PAM: variants seen among roughly 807,000 people sequenced by gnomAD.
PAM encodes peptidylglycine alpha-amidating monooxygenase, also known as peptidyl-glycine alpha-amidating monooxygenase.
Under a neutral mutation model 122.1 loss-of-function variants are expected in PAM, and 72 were observed. The ratio of observed to expected loss-of-function variants is 0.59; its 90% CI spans 0.49 to 0.72. The LOEUF (loss-of-function observed/expected upper bound fraction) is 0.72, where lower values mean the gene tolerates loss of function less well. Among genes scored for constraint, PAM ranks in the 30% least tolerant of loss-of-function variants. The pLI, the probability that PAM is intolerant of heterozygous loss-of-function variation, is 0.00. For missense variants in PAM, 1,106 were observed against 1,183.7 expected (o/e 0.93, Z 0.96); for synonymous variants, 389 against 404.4 (o/e 0.96, Z 0.46).
At chr5:102,793,745 G>A (rs538221183) in intron 1 of PAM, among the ~76,000 whole-genome samples, 216 of 152,134 alleles carry the variant, frequency 1.4e-3, no homozygotes, top group Non-Finnish European at 2.5e-3. Context: ...AATATTAAAT[G>A]CTTTAAGTAA....
At chr5:103,021,016 TAA>T (rs1420318461) in intron 23 of PAM, among the ~76,000 whole-genome samples, 1 of 152,134 alleles carries the variant, frequency 6.6e-6, no homozygotes, top group Non-Finnish European at 1.5e-5. Flanking sequence ...TGCCCTGGAA[TAA>T]AGACGTTGGG....
At chr5:102,825,269 T>C (rs909305436) in intron 1 of PAM, among the ~76,000 whole-genome samples, 3 of 152,238 alleles carry the variant, frequency 2.0e-5, no homozygotes, top group Non-Finnish European at 4.4e-5. Flanking sequence ...TCCATCCAGG[T>C]GGTTTTAGAT....
chr5:102,769,991 A>G (rs1383823998), intron 1 of PAM, among the ~76,000 whole-genome samples: 2 of 152,026 alleles, frequency 1.3e-5, no homozygotes, highest in African/African-American at 2.4e-5. Flanking sequence ...TGATCATAGG[A>G]TATCTTTCCG....
rs529773348 is a variant in PAM at position 102,849,895 on chromosome 5, T to C, written c.-373-15928T>C. Among the ~76,000 whole-genome samples, 6 of 152,328 alleles carry C rather than the reference T, an allele frequency of 3.9e-5. No individual in the cohort carries two copies. In the South Asian group the frequency reaches 8.3e-4, roughly 21 times the overall value. On this transcript the variant is annotated intron_variant, in intron 1 of 25. Coordinates refer to ENST00000438793, the MANE Select transcript of PAM (RefSeq NM_001177306.2). ...TCTCAGGAGCAGGATTTGGAGTAGC[T>C]GGGCAAGGGAATGCTGTTTTCATTG...
rs894415906 is a variant in PAM, at chr5:102,803,789, C to A, written c.-374+48441C>A. Among the ~76,000 whole-genome samples the A allele has an allele frequency of 1.6e-4, 24 of 152,052 alleles. 1 individual carries two copies. Among genetic ancestry groups the A allele is most frequent in the Admixed American group, 1.5e-3 (23 of 15,280 alleles). On this transcript the variant is annotated intron_variant, in intron 1 of 25. Transcript: ENST00000438793. Reference sequence around the variant, plus strand: ...GTATTTATTGAGGGAATGCCAAATGCAAGGCACGGTGCTATGTATAGAATA... The same window carrying A: ...GTATTTATTGAGGGAATGCCAAATGAAAGGCACGGTGCTATGTATAGAATA...
chr5:102,897,118 C>T (rs1796422612), intron 3 of PAM, among the ~76,000 whole-genome samples: 1 of 151,568 alleles, frequency 6.6e-6, no homozygotes, highest in South Asian at 2.1e-4. Context: ...GACCACTTTC[C>T]ATACGTTTTC....
At chr5:102,914,160 C>T in intron 5 of PAM, 139 bp downstream of exon 5, 1 of 607,540 alleles carries the variant, frequency 1.6e-6, no homozygotes, top group South Asian at 1.9e-5. Context: ...TCATTGTCAT[C>T]ACGTGGTTAT....
At chr5:103,023,311 G>C (rs1784127635) in intron 23 of PAM, among the ~76,000 whole-genome samples, 1 of 151,950 alleles carries the variant, frequency 6.6e-6, no homozygotes, top group Admixed American at 6.6e-5. Context: ...TAAATGACAG[G>C]CAGTAACTAC....
intron 2 of PAM, chr5:102,866,661 C>T (rs185653962): frequency 1.6e-5 from 3 of 191,628 alleles, no homozygotes; most frequent in African/African-American, 7.0e-5. Context: ...TAATAGCTCA[C>T]AAGGAAACAC....
chr5:103,019,756 C>T (rs1388259180), intron 22 of PAM, 34 bp from the exon 23 acceptor site: 1 of 1,454,716 alleles, frequency 6.9e-7, no homozygotes. Flanking sequence ...TTTGGAGATT[C>T]TGACTTTTCT....
chr5:102,825,845 C>G (rs1160000993), intron 1 of PAM, among the ~76,000 whole-genome samples: 1 of 152,074 alleles, frequency 6.6e-6, no homozygotes, highest in Non-Finnish European at 1.5e-5. Context: ...AATACCCCAT[C>G]TCTAAAAAAG....
Position 103,003,130 on chromosome 5 carries a change from C to CATGG in PAM, c.1712_1713insTGGA (p.Gln571HisfsTer19). 6.6e-7 allele frequency: 1 copy of CATGG among 1,522,970 alleles called. No individual in the cohort carries two copies. Among genetic ancestry groups the CATGG allele is most frequent in the Non-Finnish European group, 9.1e-7 (1 of 1,096,676 alleles). The allele number at this position is 1,522,970 out of a possible 1,614,324, so 94.3% of individuals were successfully genotyped here. A position where few individuals can be genotyped will look rare whatever the true frequency, so the allele number is the denominator to read the frequency against. ...AGATCCAAATAATGCTGCAGTACTCCAGTCCAGTGGAAAAAATCTGTGAGT... is the reference window on the plus strand; with the variant it reads ...AGATCCAAATAATGCTGCAGTACTCCATGGAGTCCAGTGGAAAAAATCTGTGAGT... On this transcript the variant is annotated frameshift_variant, in exon 17 of 26. Transcript: ENST00000438793. LOFTEE classifies it high-confidence loss of function.
chr5:102,960,038 A>T lies in PAM; in HGVS notation c.1069A>T (p.Met357Leu). 2 of 1,597,714 alleles carry T rather than the reference A, an allele frequency of 1.3e-6. No homozygotes were observed. The highest frequency in any genetic ancestry group is 1.7e-6 in the Non-Finnish European group (2 of 1,166,234). The change falls in exon 13 of 26, where the codon ATG becomes TTG. Residue 357 changes from methionine to leucine, a missense_variant. Transcript: ENST00000438793. ...IPIPVKSDMV[M>L]MHEHHKETEY... is the part of the protein sequence containing the mutation. ...AATTCCCGTGAAGTCTGATATGGTT[A>T]TGATGCATGAACATCATAAAGGTAA...
intron 1 of PAM, among the ~76,000 whole-genome samples, chr5:102,828,343 G>A (rs1490917855): frequency 8.4e-5 from 8 of 94,818 alleles, no homozygotes; most frequent in Admixed American, 1.2e-4. Flanking sequence ...GCAAGACTCT[G>A]TCTCAAAAAA....
chr5:102,930,144 C>CA (rs1296178318), intron 7 of PAM, among the ~76,000 whole-genome samples: 1 of 152,094 alleles, frequency 6.6e-6, no homozygotes, highest in Non-Finnish European at 1.5e-5. Context: ...AATAATCCTT[C>CA]AAAAACAATC....
At chr5:102,928,402 T>A (rs1394349823) in intron 7 of PAM, among the ~76,000 whole-genome samples, 1 of 152,242 alleles carries the variant, frequency 6.6e-6, no homozygotes, top group African/African-American at 2.4e-5. Flanking sequence ...CATATAATTA[T>A]TCTTTGCTGT....
At chr5:103,007,126 G>A (rs1327919361) in intron 19 of PAM, 115 bp downstream of exon 19, 37 of 739,768 alleles carry the variant, frequency 5.0e-5, no homozygotes, top group South Asian at 4.8e-4. Flanking sequence ...CAGGGTCATT[G>A]TAACCTGGGT....
chr5:102,990,525 A>G lies in PAM; in HGVS notation c.1613+124A>G, dbSNP rs577570703. The G allele has an allele frequency of 5.7e-5, 35 of 619,044 alleles. No homozygotes were observed. In the East Asian group the frequency reaches 1.0e-3, roughly 18 times the overall value. The allele number at this position is 619,044 out of a possible 1,614,324, so 38.3% of individuals were successfully genotyped here. Reference sequence around the variant, plus strand: ...TTTTTAGAATTTGACTTTTATGAGCAAAATGTATTTGTCCTTTTAATGTCT... The same window carrying G: ...TTTTTAGAATTTGACTTTTATGAGCGAAATGTATTTGTCCTTTTAATGTCT... On this transcript the variant is annotated intron_variant, in intron 16 of 25. Coordinates refer to ENST00000438793, the MANE Select transcript of PAM (RefSeq NM_001177306.2).
chr5:102,919,204 C>T (rs1746497055), intron 5 of PAM, among the ~76,000 whole-genome samples: 1 of 151,920 alleles, frequency 6.6e-6, no homozygotes, highest in African/African-American at 2.4e-5. Context: ...TTTTTAAATG[C>T]CACTATCTCC....
Sources: gnomAD v4.1 joint callset for allele counts (sites outside exome capture counted in the v4.1 genomes callset) on GRCh38, gnomAD v4.1.1 for gene constraint, MANE v1.5 for transcripts, NCBI Gene and HGNC (gene_info 2026-07-23, HGNC 2026-07-21) for gene names.